The following NOM1 variants were observed in gnomAD, a reference collection of about 807,000 sequenced individuals.
NOM1 encodes nucleolar protein with MIF4G domain 1.
In NOM1, 58 loss-of-function variants were observed where a neutral mutation model predicts 73.3. That is an observed-to-expected ratio of 0.79 (90% CI 0.64 to 0.99). The LOEUF is 0.99. Ranked by LOEUF, NOM1 falls within the 50% of genes least tolerant of loss-of-function variation. NOM1 has a pLI of 0.00. For synonymous variants in NOM1, 487 were observed against 446.8 expected (o/e 1.09, Z -1.14); for missense variants, 1,226 against 1,131.9 (o/e 1.08, Z -1.19).
intron 2 of NOM1, 145 bp from the exon 3 acceptor site, chr7:156,953,958 G>C: frequency 1.6e-6 from 1 of 632,316 alleles, no homozygotes; most frequent in Non-Finnish European, 2.7e-6. Context: ...GGTTATTGGG[G>C]CAAGATAAGA....
At chr7:156,962,375 G>T in intron 5 of NOM1, 114 bp downstream of exon 5, 1 of 863,750 alleles carries the variant, frequency 1.2e-6, no homozygotes, top group Non-Finnish European at 1.9e-6. Flanking sequence ...TCTGGTGAGT[G>T]AGAGTGCTCA....
Position 156,968,874 on chromosome 7 carries a change from G to A in NOM1, c.2299-213G>A, listed in dbSNP as rs897589705. Reference sequence around the variant, plus strand: ...GTTGTTCTCAACGGTGGCTGTGGCCGGCCACACCTCTGCCAGCAGTGTGTA... The same window carrying A: ...GTTGTTCTCAACGGTGGCTGTGGCCAGCCACACCTCTGCCAGCAGTGTGTA... On this transcript the variant is annotated intron_variant, in intron 9 of 10. Transcript: ENST00000275820. 3.6e-5 allele frequency: 18 copies of A among 494,288 alleles called. No homozygotes were observed. The East Asian group carries it at 3.9e-4, about 11-fold the overall frequency. The allele number at this position is 494,288 out of a possible 1,614,324, so 30.6% of individuals were successfully genotyped here. A position where few individuals can be genotyped will look rare whatever the true frequency, so the allele number is the denominator to read the frequency against.
Position 156,968,890 on chromosome 7 carries a change from G to A in NOM1, c.2299-197G>A, listed in dbSNP as rs1805072259. Reference sequence around the variant, plus strand: ...GCTGTGGCCGGCCACACCTCTGCCAGCAGTGTGTAGGAATTCCCAAGGCCC... The same window carrying A: ...GCTGTGGCCGGCCACACCTCTGCCAACAGTGTGTAGGAATTCCCAAGGCCC... On this transcript the variant is annotated intron_variant, in intron 9 of 10. Coordinates refer to ENST00000275820, the MANE Select transcript of NOM1 (RefSeq NM_138400.2). The A allele has an allele frequency of 1.2e-5, 6 of 515,760 alleles. No individual in the cohort carries two copies. The South Asian group carries it at 1.3e-4, about 11-fold the overall frequency. 31.9% of individuals were successfully genotyped at this position (515,760 alleles called of 1,614,324 possible).
rs1804928011 is a variant in NOM1 at position 156,963,781 on chromosome 7, G to C, written c.1912-124G>C. On this transcript the variant is annotated intron_variant, in intron 6 of 10. Transcript: ENST00000275820. ...AGGGGCGTTGCCCGAGAGTGGACTTGGTGCCATCCGCCCACGTAGACCTCA... is the reference window on the plus strand; with the variant it reads ...AGGGGCGTTGCCCGAGAGTGGACTTCGTGCCATCCGCCCACGTAGACCTCA... 1.7e-5 allele frequency: 19 copies of C among 1,121,486 alleles called. 1 individual carries two copies. In the South Asian group the frequency reaches 2.9e-4, roughly 17 times the overall value. The allele number at this position is 1,121,486 out of a possible 1,614,324, so 69.5% of individuals were successfully genotyped here.
intron 2 of NOM1, among the ~76,000 whole-genome samples, chr7:156,953,189 T>C (rs990480069): frequency 3.9e-5 from 6 of 152,218 alleles, no homozygotes; most frequent in African/African-American, 1.4e-4. Context: ...AATGGCGCTA[T>C]CTCGGCTCAC....
At position 156,950,559 on chromosome 7, in the gene NOM1, G is replaced by A; in HGVS notation, c.822G>A (p.Gln274=). The stretch of plus-strand genomic sequence containing the variant: ...ACGTAGAAAAGGAAAAGAAGGCGCA[G>A]GAAGCAGAAGCGCAGAGCGAGGACG... The part of the protein sequence containing the change: ...EGDVEKEKKA[Q]EAEAQSEDDD... Residue 274 remains glutamine, a synonymous_variant, in exon 1 of 11, where the codon CAG becomes CAA. Transcript: ENST00000275820. The A allele has an allele frequency of 6.2e-7, 1 of 1,610,350 alleles. No homozygotes were observed. Among genetic ancestry groups the A allele is most frequent in the Non-Finnish European group, 8.5e-7 (1 of 1,177,952 alleles).
At chr7:156,962,366 C>A in intron 5 of NOM1, 105 bp downstream of exon 5, 2 of 934,144 alleles carry the variant, frequency 2.1e-6, no homozygotes, top group Non-Finnish European at 3.4e-6. Flanking sequence ...AGGGTGGTGT[C>A]TGGTGAGTGA....
rs10549596 is a variant in NOM1, at chr7:156,957,774, CAAAAAA to C, written c.1309-2056_1309-2051del. ...TGGGCGACAGAGCGAGACTCCGTCT[CAAAAAA>C]AAAAAAAAAAAAAAAAAAAAGAAAA... is the stretch of plus-strand genomic sequence containing the variant. On this transcript the variant is annotated intron_variant, in intron 3 of 10. Coordinates refer to ENST00000275820, the MANE Select transcript of NOM1 (RefSeq NM_138400.2). 2.5e-4 allele frequency among the ~76,000 whole-genome samples: 29 copies of C among 115,562 alleles called. No individual in the cohort carries two copies. In the South Asian group the frequency reaches 3.3e-3, roughly 13 times the overall value. 75.8% of individuals were successfully genotyped at this position (115,562 alleles called of 152,430 possible). A position where few individuals can be genotyped will look rare whatever the true frequency, so the allele number is the denominator to read the frequency against.
chr7:156,951,230 A>G (rs1804584605), intron 1 of NOM1, among the ~76,000 whole-genome samples: 1 of 152,144 alleles, frequency 6.6e-6, no homozygotes, highest in Admixed American at 6.5e-5. Context: ...AAACCCCGTC[A>G]TTACTAAAAA....
Position 156,960,990 on chromosome 7 carries a change from G to C in NOM1, c.1632+816G>C, listed in dbSNP as rs139960125. 2.7e-3 allele frequency among the ~76,000 whole-genome samples: 415 copies of C among 152,288 alleles called. 2 individuals are homozygous for C. The highest frequency in any genetic ancestry group is 6.8e-3 in the Middle Eastern group (2 of 294). On this transcript the variant is annotated intron_variant, in intron 4 of 10. Transcript: ENST00000275820. ...CATCAGGGGCACAGGGGACCGTGCAGGAGGAGATGAGGATTTAGGACAGGC... is the reference window on the plus strand; with the variant it reads ...CATCAGGGGCACAGGGGACCGTGCACGAGGAGATGAGGATTTAGGACAGGC...
rs1480968802 is a variant in NOM1, at chr7:156,949,811, G to C, written c.74G>C (p.Arg25Thr). The change falls in exon 1 of 11, where the codon AGA becomes ACA. Residue 25 changes from arginine to threonine, a missense_variant. Transcript: ENST00000275820. Reference sequence around the variant, plus strand: ...GGACGCGTGGTCCGCATGAAGCGCAGAGGCGGGCGCGGGCCGCGCCGCGGT... The same window carrying C: ...GGACGCGTGGTCCGCATGAAGCGCACAGGCGGGCGCGGGCCGCGCCGCGGT... ...SQGRVVRMKR[R>T]GGRGPRRGPA... 3.5e-6 allele frequency: 5 copies of C among 1,443,000 alleles called. No individual in the cohort carries two copies. In the East Asian group the frequency reaches 1.0e-4, roughly 30 times the overall value. 89.4% of individuals were successfully genotyped at this position (1,443,000 alleles called of 1,614,324 possible). A position where few individuals can be genotyped will look rare whatever the true frequency, so the allele number is the denominator to read the frequency against.
In NOM1 at chr7:156,963,137, A is replaced by G. The variant is rs138677884; in HGVS notation, c.1873A>G (p.Ser625Gly). ...GAGTGGGGCCCCGATGATCGACAACAGTCACCATACGCACCTGCAGAAGCA... is the reference window on the plus strand; with the variant it reads ...GAGTGGGGCCCCGATGATCGACAACGGTCACCATACGCACCTGCAGAAGCA... ...AWSGAPMIDNSHHTHLQKQLV... is the reference protein window; with the variant it reads ...AWSGAPMIDNGHHTHLQKQLV... The change falls in exon 6 of 11, where the codon AGT (serine) becomes GGT (glycine). Residue 625 changes from serine (S) to glycine (G), a missense_variant. By Grantham distance (56) the Ser-to-Gly change is moderately conservative (BLOSUM62 0). Transcript: ENST00000275820. The G allele has an allele frequency of 9.6e-4, 1,557 of 1,614,170 alleles. 2 individuals are homozygous for G. Among genetic ancestry groups the G allele is most frequent in the Non-Finnish European group, 1.2e-3 (1,438 of 1,180,036 alleles).
At position 156,955,533 on chromosome 7, in the gene NOM1, C is replaced by T. The variant is rs895959900; in HGVS notation, c.1308+1235C>T. 6.6e-5 allele frequency among the ~76,000 whole-genome samples: 10 copies of T among 152,294 alleles called. 1 individual carries two copies. Among genetic ancestry groups the T allele is most frequent in the African/African-American group, 2.4e-4 (10 of 41,564 alleles). ...AGTTTTTTGCCTTCTGACAGCTCTA[C>T]TCCAAAAAATAGGCCACAGCAGCAC... On this transcript the variant is annotated intron_variant, in intron 3 of 10. Coordinates refer to ENST00000275820, the MANE Select transcript of NOM1 (RefSeq NM_138400.2).
chr7:156,964,163 A>C (rs1455015513), intron 7 of NOM1, 137 bp downstream of exon 7: 12 of 805,760 alleles, frequency 1.5e-5, no homozygotes, highest in Non-Finnish European at 2.1e-5. Context: ...CCATCCGCTC[A>C]CGCTGTTGGA....
intron 3 of NOM1, among the ~76,000 whole-genome samples, chr7:156,956,294 T>C (rs1389504012): frequency 1.3e-5 from 2 of 152,096 alleles, no homozygotes; most frequent in East Asian, 3.9e-4. Context: ...AGATGCTGCC[T>C]GAGTACAAAA....
intron 1 of NOM1, among the ~76,000 whole-genome samples, chr7:156,952,119 C>T (rs947219768): frequency 6.6e-6 from 1 of 152,212 alleles, no homozygotes; most frequent in African/African-American, 2.4e-5. Context: ...TTCTTGTATG[C>T]TACTGTGCCT....
intron 3 of NOM1, among the ~76,000 whole-genome samples, chr7:156,955,927 A>G (rs1231356618): frequency 1.3e-5 from 2 of 152,158 alleles, no homozygotes; most frequent in Non-Finnish European, 2.9e-5. Context: ...GCGGTGGCTC[A>G]CTCGTGTAAT....
At chr7:156,951,747 G>A (rs1051487910) in intron 1 of NOM1, among the ~76,000 whole-genome samples, 5 of 151,472 alleles carry the variant, frequency 3.3e-5, no homozygotes, top group African/African-American at 1.2e-4. Context: ...TTGCACTGTC[G>A]TCTAGGCTGG....
At position 156,972,448 on chromosome 7, in the gene NOM1, C is replaced by G. The variant is rs992558893; in HGVS notation, c.*2745C>G. On this transcript the variant is annotated 3_prime_UTR_variant, in exon 11 of 11. Transcript: ENST00000275820. ...TTTTATTATTAAAACAAAAATACCT[C>G]TCTTTGCTAGAGAGTTATATGTATG... 8.4e-6 allele frequency: 1 copy of G among 119,138 alleles called. No homozygotes were observed. The highest frequency in any genetic ancestry group is 3.0e-5 in the African/African-American group (1 of 33,398). 7.4% of individuals were successfully genotyped at this position (119,138 alleles called of 1,614,324 possible).
Sources: allele counts gnomAD v4.1 joint callset (sites outside exome capture counted in the v4.1 genomes callset), GRCh38; gene constraint gnomAD v4.1.1; transcripts MANE v1.5; gene names NCBI Gene and HGNC (gene_info 2026-07-23, HGNC 2026-07-21).